ZNF674: variants seen among roughly 807,000 people sequenced by gnomAD.
ZNF674 encodes zinc finger family member 674.
Under a neutral mutation model 7.0 loss-of-function variants are expected in ZNF674, and 2 were observed. The observed-to-expected ratio is 0.29, with a 90% CI of 0.12 to 0.90. ZNF674 has a LOEUF of 0.90. Among genes scored for constraint, ZNF674 ranks in the 40% least tolerant of loss-of-function variants. The probability of loss-of-function intolerance (pLI) is 0.57; values close to 1 mark genes in which losing one functional copy is unlikely to be tolerated. For synonymous variants in ZNF674, 103 were observed against 145.2 expected (o/e 0.71, Z 2.09); for missense variants, 297 against 415.5 (o/e 0.71, Z 2.48).
At chrX:46,519,266 A>T (rs911015384) in intron 5 of ZNF674, among the ~76,000 whole-genome samples, 3,527 of 69,469 alleles carry the variant, frequency 0.051, 113 homozygotes, top group Middle Eastern at 0.091. Context: ...AGATAGATAA[A>T]GATAGATGAT....
chrX:46,501,237 C>T lies in ZNF674; in HGVS notation c.337G>A (p.Glu113Lys). ...CATATTTTACATTCTTGACCACTTT[C>T]ATCCTTCAGTGTTTCCTTGCCTATG... ...AFIGKETLKDESGQECKICRK... is the reference protein window; with the variant it reads ...AFIGKETLKDKSGQECKICRK... The change falls in exon 6 of 6, where the codon GAA (glutamate) becomes AAA (lysine). Residue 113 changes from glutamate (E) to lysine (K), a missense_variant. Coordinates refer to ENST00000683375, the MANE Select transcript of ZNF674 (RefSeq NM_001190417.2). The T allele has an allele frequency of 8.3e-7, 1 of 1,211,098 alleles. No homozygotes were observed. Among genetic ancestry groups the T allele is most frequent in the South Asian group, 1.8e-5 (1 of 56,955 alleles).
chrX:46,519,243 TAGATAGATAGATAGATAGATA>T (rs1259968644), intron 5 of ZNF674, among the ~76,000 whole-genome samples: 4 of 72,989 alleles, frequency 5.5e-5, no homozygotes, highest in Admixed American at 1.7e-4. Context: ...GATAGATAGA[TAGATAGATAGATAGATAGATA>T]AAGATAGATG....
At chrX:46,519,210 TTAGATAGATAGATAGA>T (rs61702218) in intron 5 of ZNF674, among the ~76,000 whole-genome samples, 18 of 74,345 alleles carry the variant, frequency 2.4e-4, no homozygotes, top group African/African-American at 5.3e-4. Flanking sequence ...CTCAGATAGA[TTAGATAGATAGATAGA>T]TAGATAGATA....
Position 46,500,533 on chromosome X carries a change from G to A in ZNF674, c.1041C>T (p.His347=), listed in dbSNP as rs1941400369. The A allele has an allele frequency of 1.7e-6, 2 of 1,210,063 alleles. No individual in the cohort carries two copies. The highest frequency in any genetic ancestry group is 3.5e-5 in the African/African-American group (2 of 57,437). ...TTSSLIYQRI[H]TSEKPQCSEH... Reference sequence around the variant, plus strand: ...CACTGCACTGAGGTTTCTCACTTGTGTGAATTCTTTGATATATAAGGCTGG... The same window carrying A: ...CACTGCACTGAGGTTTCTCACTTGTATGAATTCTTTGATATATAAGGCTGG... The change falls in exon 6 of 6, where the codon CAC becomes CAT. Residue 347 remains histidine (H), a synonymous_variant. Transcript: ENST00000683375.
rs149714980 is a variant in ZNF674, at chrX:46,541,892, A to G, written c.15+181T>C. On this transcript the variant is annotated intron_variant, in intron 3 of 5. Transcript: ENST00000683375. ...TCTGGAAGAACAAGTAGAGAGAGGT[A>G]TCTTTTTGTTTTTCCTCTCTCCTGG... is the stretch of plus-strand genomic sequence containing the variant. 4.5e-4 allele frequency among the ~76,000 whole-genome samples: 51 copies of G among 112,234 alleles called. No homozygotes were observed. The East Asian group carries it at 0.012, about 27-fold the overall frequency.
intron 3 of ZNF674, among the ~76,000 whole-genome samples, chrX:46,533,543 C>A (rs747085447): frequency 8.5e-4 from 93 of 109,533 alleles, no homozygotes; most frequent in African/African-American, 2.9e-3. Flanking sequence ...GAGTGGATCA[C>A]TTGAGGTCAG....
intron 5 of ZNF674, among the ~76,000 whole-genome samples, chrX:46,519,884 G>A (rs1325519785): frequency 7.2e-5 from 8 of 111,538 alleles, no homozygotes; most frequent in Admixed American, 6.7e-4. Flanking sequence ...GCATACCATG[G>A]AATGCTACTC....
At chrX:46,502,795 A>G (rs1941460325) in intron 5 of ZNF674, among the ~76,000 whole-genome samples, 1 of 112,225 alleles carries the variant, frequency 8.9e-6, no homozygotes, top group Non-Finnish European at 1.9e-5. Flanking sequence ...AAGCCTGCAC[A>G]TGGATGCCTC....
chrX:46,506,431 A>AAC (rs1941541137), intron 5 of ZNF674, among the ~76,000 whole-genome samples: 1 of 109,993 alleles, frequency 9.1e-6, no homozygotes, highest in Non-Finnish European at 1.9e-5. Flanking sequence ...AAAAAAAAAA[A>AAC]CTATCCCTGT....
intron 5 of ZNF674, among the ~76,000 whole-genome samples, chrX:46,513,078 C>T (rs756010839): frequency 4.5e-5 from 5 of 110,716 alleles, no homozygotes; most frequent in Non-Finnish European, 7.6e-5. Context: ...TCCTGGCCAA[C>T]ATGGCGAAAC....
chrX:46,515,627 T>C (rs1382746675), intron 5 of ZNF674, among the ~76,000 whole-genome samples: 5 of 111,161 alleles, frequency 4.5e-5, no homozygotes, highest in African/African-American at 1.6e-4. Context: ...ATTTTTTATT[T>C]TTTGGAGACA....
intron 2 of ZNF674, among the ~76,000 whole-genome samples, chrX:46,542,404 A>G (rs1039178100): frequency 8.9e-6 from 1 of 112,200 alleles, no homozygotes; most frequent in Admixed American, 9.5e-5. Context: ...TCCTAGCACA[A>G]AGATGCAAAA....
chrX:46,528,313 C>T, intron 5 of ZNF674, 37 bp downstream of exon 5: 2 of 1,198,022 alleles, frequency 1.7e-6, no homozygotes, highest in Non-Finnish European at 2.3e-6. Context: ...CAACCTGGTC[C>T]CTTTTCCCTG....
chrX:46,532,479 G>GA (rs1491042548), intron 3 of ZNF674, among the ~76,000 whole-genome samples: 1 of 111,855 alleles, frequency 8.9e-6, no homozygotes, highest in South Asian at 3.7e-4. Flanking sequence ...TAGAGAGAGA[G>GA]AAAAAACATC....
At chrX:46,519,325 A>G (rs1313999925) in intron 5 of ZNF674, among the ~76,000 whole-genome samples, 1 of 105,660 alleles carries the variant, frequency 9.5e-6, no homozygotes, top group Non-Finnish European at 1.9e-5. Flanking sequence ...ATAGATAGAT[A>G]GGCCAGGTGT....
At chrX:46,532,303 A>T (rs1486604733) in intron 3 of ZNF674, among the ~76,000 whole-genome samples, 1 of 112,462 alleles carries the variant, frequency 8.9e-6, no homozygotes, top group Non-Finnish European at 1.9e-5. Context: ...TTTGAGAAGT[A>T]TCATGCAGAA....
intron 3 of ZNF674, among the ~76,000 whole-genome samples, chrX:46,533,440 G>A (rs1023722182): frequency 3.6e-5 from 4 of 111,014 alleles, no homozygotes; most frequent in Non-Finnish European, 1.9e-5. Flanking sequence ...TGTGCAGTGG[G>A]TGGGAATAAC....
In ZNF674 at chrX:46,501,096, T is replaced by G; in HGVS notation, c.478A>C (p.Ser160Arg). The G allele has an allele frequency of 2.5e-6, 3 of 1,206,901 alleles. No homozygotes were observed. In the East Asian group the frequency reaches 8.9e-5, roughly 36 times the overall value. Reference protein sequence around the residue: ...HHLNFLGQNRSYVRKKDDGCK... With the variant: ...HHLNFLGQNRRYVRKKDDGCK... ...CCATCATCTTTCTTTCTTACATAGCTTCTATTTTGACCAAGAAAGTTTAAA... is the reference window on the plus strand; with the variant it reads ...CCATCATCTTTCTTTCTTACATAGCGTCTATTTTGACCAAGAAAGTTTAAA... The change falls in exon 6 of 6, where the codon AGC becomes CGC. Residue 160 changes from serine (S) to arginine (R), a missense_variant. By Grantham distance (110) the Ser-to-Arg change is moderately radical (BLOSUM62 -1). Transcript: ENST00000683375.
chrX:46,502,170 G>A (rs1941444384), intron 5 of ZNF674, among the ~76,000 whole-genome samples: 1 of 109,422 alleles, frequency 9.1e-6, no homozygotes, highest in African/African-American at 3.3e-5. Context: ...GCTGGGCGTG[G>A]TGGCAGGTGC....
Sources: allele counts gnomAD v4.1 joint callset (sites outside exome capture counted in the v4.1 genomes callset), GRCh38; gene constraint gnomAD v4.1.1; transcripts MANE v1.5; gene names NCBI Gene and HGNC (gene_info 2026-07-23, HGNC 2026-07-21).